MACROD2: variants seen among roughly 807,000 people sequenced by gnomAD.
The protein encoded by MACROD2 is ADP-ribose glycohydrolase MACROD2.
A neutral mutation model predicts 70.4 loss-of-function variants in MACROD2; 36 were observed. That is an observed-to-expected ratio of 0.51 (90% CI 0.39 to 0.68). The LOEUF is 0.68. Among genes scored for constraint, MACROD2 ranks in the 30% least tolerant of loss-of-function variants. The probability of loss-of-function intolerance (pLI) is 0.00; values close to 1 mark genes in which losing one functional copy is unlikely to be tolerated. For missense variants in MACROD2, 496 were observed against 538.4 expected (o/e 0.92, Z 0.78); for synonymous variants, 172 against 178.8 (o/e 0.96, Z 0.30).
intron 8 of MACROD2, among the ~76,000 whole-genome samples, chr20:15,689,425 G>T (rs1002545182): frequency 2.0e-5 from 3 of 152,044 alleles, no homozygotes; most frequent in Admixed American, 6.6e-5. Flanking sequence ...TAAGATCTGT[G>T]GGGGGAAAAA....
intron 5 of MACROD2, among the ~76,000 whole-genome samples, chr20:15,186,819 G>A (rs2076537671): frequency 6.6e-6 from 1 of 152,106 alleles, no homozygotes; most frequent in Admixed American, 6.6e-5. Context: ...CACTCCACTT[G>A]CGGATATCTT....
At chr20:14,126,169 A>G (rs2054647338) in intron 3 of MACROD2, among the ~76,000 whole-genome samples, 1 of 152,228 alleles carries the variant, frequency 6.6e-6, no homozygotes, top group South Asian at 2.1e-4. Flanking sequence ...GTGGCAGTCC[A>G]AGATCAGACC....
At chr20:14,244,567 A>G (rs956921226) in intron 3 of MACROD2, among the ~76,000 whole-genome samples, 2 of 152,194 alleles carry the variant, frequency 1.3e-5, no homozygotes, top group Non-Finnish European at 2.9e-5. Context: ...GGGTGGATCT[A>G]TACAGAACAA....
rs2075272831 is a variant in MACROD2 at position 15,031,341 on chromosome 20, G to T, written c.419-198599G>T. Among the ~76,000 whole-genome samples the T allele has an allele frequency of 2.6e-5, 4 of 152,192 alleles. No homozygotes were observed. The South Asian group carries it at 8.3e-4, about 31-fold the overall frequency. ...CGTCGCTGGCAATGTGGCAAGCGAG[G>T]GGTTGTGTTTCAGCCCTGTTTGTGT... On this transcript the variant is annotated intron_variant, in intron 5 of 17. Transcript: ENST00000684519.
chr20:15,334,918 A>G (rs1360373183), intron 6 of MACROD2, among the ~76,000 whole-genome samples: 1 of 151,768 alleles, frequency 6.6e-6, no homozygotes, highest in Admixed American at 6.6e-5. Flanking sequence ...GATACTTGCT[A>G]TCGCTCATAA....
At chr20:15,045,553 T>C (rs1428976986) in intron 5 of MACROD2, among the ~76,000 whole-genome samples, 1 of 152,166 alleles carries the variant, frequency 6.6e-6, no homozygotes, top group Non-Finnish European at 1.5e-5. Flanking sequence ...GCCTTTTTAA[T>C]AAATTCCTAA....
At position 15,912,001 on chromosome 20, in the gene MACROD2, C is replaced by T. The variant is rs73898599; in HGVS notation, c.776-21275C>T. 6.6e-3 allele frequency among the ~76,000 whole-genome samples: 1,010 copies of T among 152,208 alleles called. 12 individuals are homozygous for T. Among genetic ancestry groups the T allele is most frequent in the African/African-American group, 0.023 (945 of 41,516 alleles). On this transcript the variant is annotated intron_variant, in intron 10 of 17. Coordinates refer to ENST00000684519, the MANE Select transcript of MACROD2 (RefSeq NM_001351661.2). ...AGCCCGGGCAACAAGAACAAAACTC[C>T]GACTCAAAAAACAAAAAACAAAACA...
chr20:14,555,694 A>C (rs1338875256), intron 4 of MACROD2, among the ~76,000 whole-genome samples: 1 of 152,072 alleles, frequency 6.6e-6, no homozygotes, highest in Non-Finnish European at 1.5e-5. Context: ...AGATATTGGC[A>C]CTAAGGAGAG....
At chr20:15,018,861 A>G (rs1447965700) in intron 5 of MACROD2, among the ~76,000 whole-genome samples, 3 of 152,112 alleles carry the variant, frequency 2.0e-5, no homozygotes, top group Non-Finnish European at 4.4e-5. Flanking sequence ...TCAAGTTGAC[A>G]CTCAGTATTA....
chr20:14,205,429 C>G (rs1339468551), intron 3 of MACROD2, among the ~76,000 whole-genome samples: 2 of 152,186 alleles, frequency 1.3e-5, no homozygotes, highest in Non-Finnish European at 2.9e-5. Context: ...GGTTGCCCCC[C>G]TTCACAGTTG....
At chr20:14,703,914 G>C (rs978565537) in intron 5 of MACROD2, among the ~76,000 whole-genome samples, 2 of 151,878 alleles carry the variant, frequency 1.3e-5, no homozygotes, top group Admixed American at 1.3e-4. Context: ...TTTTAGTAGA[G>C]ACGGGGTTTT....
intron 5 of MACROD2, among the ~76,000 whole-genome samples, chr20:14,829,924 C>T (rs1370169293): frequency 6.6e-6 from 1 of 152,040 alleles, no homozygotes; most frequent in Admixed American, 6.6e-5. Flanking sequence ...TCAATGCATA[C>T]ATTGATAATT....
chr20:15,641,491 G>A (rs2049459537), intron 8 of MACROD2, among the ~76,000 whole-genome samples: 1 of 152,180 alleles, frequency 6.6e-6, no homozygotes, highest in Non-Finnish European at 1.5e-5. Flanking sequence ...AGAATTGTGT[G>A]TCTTTCATCA....
intron 8 of MACROD2, among the ~76,000 whole-genome samples, chr20:15,518,598 A>T (rs929128397): frequency 2.0e-5 from 3 of 151,386 alleles, no homozygotes; most frequent in Non-Finnish European, 4.4e-5. Context: ...AAGAGGGAAG[A>T]AGAAAGAAGG....
chr20:14,742,204 T>C (rs888139919), intron 5 of MACROD2, among the ~76,000 whole-genome samples: 1 of 152,160 alleles, frequency 6.6e-6, no homozygotes, highest in African/African-American at 2.4e-5. Flanking sequence ...TTGTGGCTGG[T>C]AATATTCAGT....
rs991834132 is a variant in MACROD2 at position 14,871,524 on chromosome 20, C to T, written c.418+186565C>T. ...CTTACAGGAGCTCCTGAAGGAAGCA[C>T]TAAATATGGAAAGGAAAGACTATTA... is the stretch of plus-strand genomic sequence containing the variant. On this transcript the variant is annotated intron_variant, in intron 5 of 17. Coordinates refer to ENST00000684519, the MANE Select transcript of MACROD2 (RefSeq NM_001351661.2). 9.2e-5 allele frequency among the ~76,000 whole-genome samples: 14 copies of T among 152,132 alleles called. No individual in the cohort carries two copies. The East Asian group carries it at 2.5e-3, about 27-fold the overall frequency.
chr20:14,468,549 G>A (rs1568626511), intron 3 of MACROD2, among the ~76,000 whole-genome samples: 1 of 149,768 alleles, frequency 6.7e-6, no homozygotes, highest in South Asian at 2.1e-4. Context: ...GTCTCACTCT[G>A]TCACCGAGGC....
chr20:14,195,421 A>G (rs186318818), intron 3 of MACROD2, among the ~76,000 whole-genome samples: 20 of 152,194 alleles, frequency 1.3e-4, no homozygotes, highest in African/African-American at 4.1e-4. Context: ...TTTCAATGAT[A>G]CGGAAGGGGA....
intron 4 of MACROD2, among the ~76,000 whole-genome samples, chr20:14,506,988 T>TG (rs1793261026): frequency 1.3e-5 from 2 of 152,140 alleles, no homozygotes; most frequent in South Asian, 4.1e-4. Context: ...GTTCCAGAGT[T>TG]GCGATACTAT....
Sources: gnomAD v4.1 joint callset for allele counts (sites outside exome capture counted in the v4.1 genomes callset) on GRCh38, gnomAD v4.1.1 for gene constraint, MANE v1.5 for transcripts, NCBI Gene and HGNC (gene_info 2026-07-23, HGNC 2026-07-21) for gene names.